OLR1: variants seen among roughly 807,000 people sequenced by gnomAD.
OLR1 encodes oxidized low-density lipoprotein receptor 1.
In OLR1, 23 loss-of-function variants were observed where a neutral mutation model predicts 31.7. The observed-to-expected ratio is 0.72, with a 90% CI of 0.52 to 1.03. The LOEUF (loss-of-function observed/expected upper bound fraction) is 1.03. Ranked by LOEUF, OLR1 falls within the 50% of genes least tolerant of loss-of-function variation. The pLI is 0.00. For missense variants in OLR1, 286 were observed against 315.7 expected (o/e 0.91, Z 0.71); for synonymous variants, 117 against 115.8 (o/e 1.01, Z -0.07).
chr12:10,174,082 T>C (rs1316299911), upstream of OLR1, among the ~76,000 whole-genome samples: 2 of 148,862 alleles, frequency 1.3e-5, no homozygotes, highest in African/African-American at 5.0e-5. Flanking sequence ...GTTTTTGAGA[T>C]GGAGTTTCAC....
upstream of OLR1, chr12:10,175,391 G>C (rs1948758467): frequency 1.3e-5 from 2 of 152,110 alleles, no homozygotes; most frequent in African/African-American, 4.8e-5. Flanking sequence ...CATGATGAGA[G>C]TGCAACCCAG....
intron 3 of OLR1, among the ~76,000 whole-genome samples, chr12:10,163,836 C>T (rs1948639635): frequency 6.6e-6 from 1 of 151,920 alleles, no homozygotes; most frequent in Non-Finnish European, 1.5e-5. Context: ...GAGGCTGAGG[C>T]AGGAGAATTG....
Position 10,159,813 on chromosome 12 carries a change from C to G in OLR1, c.*67G>C. 1 of 1,491,912 alleles carries G rather than the reference C, an allele frequency of 6.7e-7. No individual in the cohort carries two copies. The highest frequency in any genetic ancestry group is 1.3e-5 in the South Asian group (1 of 78,064). The allele number at this position is 1,491,912 out of a possible 1,614,324, so 92.4% of individuals were successfully genotyped here. On this transcript the variant is annotated 3_prime_UTR_variant, in exon 6 of 6. Transcript: ENST00000309539. ...GCTCTCATGTTTGGCACCCAAGTGA[C>G]AAAGAATAGCTTAAATTCCAGAATA...
rs1948614770 is a variant in OLR1 at position 10,160,888 on chromosome 12, G to C, written c.462C>G (p.Asn154Lys). The part of the protein sequence containing the change: ...CPQDWIWHGE[N>K]CYLFSSGSFN... ...ATGAGCCCGAGGAAAATAGGTAACA[G>C]TTTTCTCCATGCCAGATCCAGTCTT... The change falls in exon 4 of 6, where the codon AAC (asparagine) becomes AAG (lysine). Residue 154 changes from asparagine (N) to lysine (K), a missense_variant. By Grantham distance (94) the Asn-to-Lys change is moderately conservative. Coordinates refer to ENST00000309539, the MANE Select transcript of OLR1 (RefSeq NM_002543.4). 1.2e-6 allele frequency: 2 copies of C among 1,614,180 alleles called. No individual in the cohort carries two copies. The highest frequency in any genetic ancestry group is 4.5e-5 in the East Asian group (2 of 44,888).
upstream of OLR1, among the ~76,000 whole-genome samples, chr12:10,173,763 T>C (rs796536963): frequency 7.7e-6 from 1 of 130,330 alleles, no homozygotes; most frequent in Admixed American, 7.7e-5. Flanking sequence ...AGACTCCCTT[T>C]AAAAAAAAAA....
intron 1 of OLR1, chr12:10,170,873 A>G (rs1439101502): frequency 6.6e-6 from 1 of 152,124 alleles, no homozygotes; most frequent in Non-Finnish European, 1.5e-5. Context: ...CTTTTTCTAT[A>G]GATTCTCTTT....
upstream of OLR1, among the ~76,000 whole-genome samples, chr12:10,173,428 CCCT>C (rs369702440): frequency 1.3e-5 from 2 of 152,172 alleles, no homozygotes; most frequent in East Asian, 3.9e-4. Context: ...GATTCCATTT[CCCT>C]CCTCCTCCCT....
At chr12:10,160,636 C>T in intron 4 of OLR1, 150 bp downstream of exon 4, 2 of 1,087,894 alleles carry the variant, frequency 1.8e-6, no homozygotes, top group South Asian at 2.9e-5. Flanking sequence ...GCCTGTCCGT[C>T]CAAGGTCATA....
At chr12:10,161,018 TGCATAC>T (rs1272341437) in intron 3 of OLR1, 93 bp from the exon 4 acceptor site, 12 of 1,248,340 alleles carry the variant, frequency 9.6e-6, no homozygotes, top group Non-Finnish European at 9.0e-6. Flanking sequence ...TTCTCTCACG[TGCATAC>T]TATTTATTTT....
upstream of OLR1, chr12:10,172,226 G>A (rs1948728847): frequency 1.7e-6 from 1 of 600,392 alleles, no homozygotes; most frequent in African/African-American, 1.8e-5. Context: ...GAGAGGCTTT[G>A]CTTCATATTG....
chr12:10,168,949 C>G lies in OLR1; in HGVS notation c.178+125G>C, dbSNP rs952629925. ...CATGGTCACTCTTAAAAACATTTTG[C>G]CTAAAATGAATCTATATCAAGGCTG... is the stretch of plus-strand genomic sequence containing the variant. On this transcript the variant is annotated intron_variant, in intron 2 of 5. Coordinates refer to ENST00000309539, the MANE Select transcript of OLR1 (RefSeq NM_002543.4). 7.3e-5 allele frequency: 40 copies of G among 548,750 alleles called. 1 individual carries two copies. In the South Asian group the frequency reaches 1.5e-3, roughly 21 times the overall value. The allele number at this position is 548,750 out of a possible 1,614,324, so 34.0% of individuals were successfully genotyped here.
At position 10,159,811 on chromosome 12, in the gene OLR1, GAC is replaced by G; in HGVS notation, c.*67_*68del. The G allele has an allele frequency of 6.8e-7, 1 of 1,480,352 alleles. No individual in the cohort carries two copies. Among genetic ancestry groups the G allele is most frequent in the East Asian group, 2.3e-5 (1 of 43,742 alleles). The allele number at this position is 1,480,352 out of a possible 1,614,324, so 91.7% of individuals were successfully genotyped here. The stretch of plus-strand genomic sequence containing the variant: ...GGGCTCTCATGTTTGGCACCCAAGT[GAC>G]AAAGAATAGCTTAAATTCCAGAATA... On this transcript the variant is annotated 3_prime_UTR_variant, in exon 6 of 6. Coordinates refer to ENST00000309539, the MANE Select transcript of OLR1 (RefSeq NM_002543.4).
chr12:10,165,998 G>C (rs931884646), intron 3 of OLR1, among the ~76,000 whole-genome samples: 1 of 151,736 alleles, frequency 6.6e-6, no homozygotes. Context: ...ATGACTTGAG[G>C]TGAGGAGTTT....
intron 1 of OLR1, among the ~76,000 whole-genome samples, chr12:10,169,577 T>G (rs1948692503): frequency 6.6e-6 from 1 of 152,208 alleles, no homozygotes; most frequent in Admixed American, 6.5e-5. Flanking sequence ...AGCCTGAAGT[T>G]TTTAATATAC....
At chr12:10,165,805 A>G (rs999277214) in intron 3 of OLR1, among the ~76,000 whole-genome samples, 2 of 152,148 alleles carry the variant, frequency 1.3e-5, no homozygotes, top group African/African-American at 4.8e-5. Context: ...CTAAAATTTT[A>G]AAAAGAAGAG....
At position 10,160,944 on chromosome 12, in the gene OLR1, C is replaced by T. The variant is rs1463744486; in HGVS notation, c.425-19G>A. 2 of 1,609,744 alleles carry T rather than the reference C, an allele frequency of 1.2e-6. No individual in the cohort carries two copies. The highest frequency in any genetic ancestry group is 1.7e-6 in the Non-Finnish European group (2 of 1,176,462). ...CAAGGAGCTGGGAAGGATAGTATATCTCATCAGTCAGTTATGTTTGTGTAA... is the reference window on the plus strand; with the variant it reads ...CAAGGAGCTGGGAAGGATAGTATATTTCATCAGTCAGTTATGTTTGTGTAA... On this transcript the variant is annotated intron_variant, in intron 3 of 5. Transcript: ENST00000309539.
At chr12:10,163,702 G>T (rs1241543182) in intron 3 of OLR1, among the ~76,000 whole-genome samples, 1 of 152,156 alleles carries the variant, frequency 6.6e-6, no homozygotes, top group African/African-American at 2.4e-5. Context: ...GGAGGCCAAG[G>T]TGGGTGGATC....
intron 5 of OLR1, 22 bp downstream of exon 5, chr12:10,160,325 T>C (rs757512977): frequency 6.0e-5 from 95 of 1,570,690 alleles, no homozygotes; most frequent in Admixed American, 1.7e-4. Context: ...GAGAGAGGCA[T>C]CAAAAAGAAT....
chr12:10,162,955 TTG>T (rs10637880), intron 3 of OLR1, among the ~76,000 whole-genome samples: 60,756 of 151,330 alleles, frequency 0.4, 13,637 homozygotes, highest in Middle Eastern at 0.58. Flanking sequence ...CTGTATTTCT[TTG>T]TGTGTGTGTG....
Sources: allele counts gnomAD v4.1 joint callset (sites outside exome capture counted in the v4.1 genomes callset), GRCh38; gene constraint gnomAD v4.1.1; transcripts MANE v1.5; gene names NCBI Gene and HGNC (gene_info 2026-07-23, HGNC 2026-07-21).